ZRANB3: variants seen among roughly 807,000 people sequenced by gnomAD.
ZRANB3 encodes the protein DNA annealing helicase and endonuclease ZRANB3.
Under a neutral mutation model 133.8 loss-of-function variants are expected in ZRANB3, and 125 were observed. The observed-to-expected ratio is 0.93, with a 90% confidence interval of 0.81 to 1.08. The LOEUF (loss-of-function observed/expected upper bound fraction) is 1.08, where lower values mean the gene tolerates loss of function less well. ZRANB3 is among the 50% of genes least tolerant of loss of function. The pLI, the probability that ZRANB3 is intolerant of heterozygous loss-of-function variation, is 0.00. For synonymous variants in ZRANB3, 387 were observed against 432.7 expected, an observed-to-expected ratio of 0.89 and a Z score of 1.31; for missense variants, 1,229 against 1,275.5, an observed-to-expected ratio of 0.96 and a Z score of 0.56.
At position 135,280,387 on chromosome 2, in the gene ZRANB3, G is replaced by A. The variant is rs190401861; in HGVS notation, c.967-4632C>T. Among the ~76,000 whole-genome samples the A allele has an allele frequency of 4.1e-3, 627 of 152,202 alleles. 5 individuals carry two copies. Among genetic ancestry groups the A allele is most frequent in the Middle Eastern group, 0.014 (4 of 294 alleles). ...GTTCGAGACCAGCTTGACCAACACG[G>A]AGAAACCCCATCTCTACTAAAAATA... On this transcript the variant is annotated intron_variant, in intron 8 of 20. Transcript: ENST00000264159.
intron 1 of ZRANB3, among the ~76,000 whole-genome samples, chr2:135,522,962 G>A (rs930398744): frequency 2.0e-5 from 3 of 152,090 alleles, no homozygotes; most frequent in African/African-American, 4.8e-5. Flanking sequence ...CCTTTTAGAA[G>A]GCTACCACAA....
intron 17 of ZRANB3, among the ~76,000 whole-genome samples, chr2:135,213,798 T>G (rs1238020728): frequency 6.6e-6 from 1 of 152,120 alleles, no homozygotes; most frequent in Non-Finnish European, 1.5e-5. Context: ...TAAAAGGACT[T>G]TACAGATATA....
intron 3 of ZRANB3, among the ~76,000 whole-genome samples, chr2:135,381,066 G>A (rs1239176732): frequency 1.3e-5 from 2 of 152,198 alleles, no homozygotes; most frequent in Admixed American, 6.5e-5. Context: ...CACCTCACCT[G>A]GAAGCGTAAG....
At chr2:135,466,382 CAAAAAAAA>C (rs553890734) in intron 2 of ZRANB3, among the ~76,000 whole-genome samples, 3 of 28,246 alleles carry the variant, frequency 1.1e-4, no homozygotes, top group East Asian at 1.3e-3. Context: ...GACTCCGTCA[CAAAAAAAA>C]AAAAAAAAAA....
chr2:135,202,603 T>C (rs929667429), intron 20 of ZRANB3: 4 of 377,524 alleles, frequency 1.1e-5, no homozygotes, highest in Admixed American at 4.0e-5. Context: ...TTCTTGGTAG[T>C]GGTGCAAATG....
At chr2:135,243,985 A>T (rs1210144047) in intron 12 of ZRANB3, among the ~76,000 whole-genome samples, 1 of 150,686 alleles carries the variant, frequency 6.6e-6, no homozygotes. Context: ...TATATATATA[A>T]AATATATAAT....
At chr2:135,230,220 T>G (rs1267665882) in intron 13 of ZRANB3, among the ~76,000 whole-genome samples, 2 of 152,220 alleles carry the variant, frequency 1.3e-5, no homozygotes, top group African/African-American at 4.8e-5. Flanking sequence ...AGAGCTTCTA[T>G]TCCTGCTCAC....
intron 12 of ZRANB3, among the ~76,000 whole-genome samples, chr2:135,237,703 A>C (rs552525223): frequency 1.0e-3 from 151 of 151,724 alleles, no homozygotes; most frequent in Non-Finnish European, 1.3e-3. Context: ...AAAAAACTAA[A>C]CACCACATGT....
chr2:135,484,905 G>A (rs549472292), intron 2 of ZRANB3, among the ~76,000 whole-genome samples: 3 of 151,694 alleles, frequency 2.0e-5, no homozygotes, highest in Non-Finnish European at 4.4e-5. Context: ...GTGAGATGGT[G>A]GGCACCTGTA....
chr2:135,523,164 C>T (rs576861901), intron 1 of ZRANB3, among the ~76,000 whole-genome samples: 3 of 152,322 alleles, frequency 2.0e-5, no homozygotes, highest in African/African-American at 7.2e-5. Context: ...GTTACTCAAA[C>T]TGGGTTTCAT....
rs1385969891 is a variant in ZRANB3, at chr2:135,329,475, T to C, written c.678-13945A>G. ...TGGTTACTGTAGCCTTACAGCATAG[T>C]TTGAAGCCAGGTGGCATAATGCCTC... On this transcript the variant is annotated intron_variant, in intron 6 of 20. Coordinates refer to ENST00000264159, the MANE Select transcript of ZRANB3 (RefSeq NM_032143.4). Among the ~76,000 whole-genome samples the C allele has an allele frequency of 2.0e-5, 3 of 152,220 alleles. No homozygotes were observed. The East Asian group carries it at 5.8e-4, about 29-fold the overall frequency.
intron 13 of ZRANB3, among the ~76,000 whole-genome samples, chr2:135,230,055 C>A (rs905396849): frequency 6.6e-6 from 1 of 152,110 alleles, no homozygotes. Context: ...AAAACCATGG[C>A]ACAATGTATA....
intron 1 of ZRANB3, among the ~76,000 whole-genome samples, chr2:135,509,609 C>A (rs1436843728): frequency 6.6e-6 from 1 of 152,060 alleles, no homozygotes; most frequent in Non-Finnish European, 1.5e-5. Context: ...TGGTTGTTAT[C>A]TGGGTTTTGG....
At chr2:135,448,654 A>G (rs1383011389) in intron 2 of ZRANB3, among the ~76,000 whole-genome samples, 2 of 152,232 alleles carry the variant, frequency 1.3e-5, no homozygotes, top group East Asian at 3.8e-4. Context: ...GGCAGACTTC[A>G]TGCACTCTGA....
chr2:135,500,967 ATG>A (rs570599964), intron 2 of ZRANB3, among the ~76,000 whole-genome samples: 48 of 152,116 alleles, frequency 3.2e-4, no homozygotes, highest in Non-Finnish European at 6.0e-4. Flanking sequence ...GACAAAACAA[ATG>A]GGGGAGAAGC....
intron 1 of ZRANB3, among the ~76,000 whole-genome samples, chr2:135,528,186 T>A (rs1167199529): frequency 6.6e-6 from 1 of 152,078 alleles, no homozygotes; most frequent in Non-Finnish European, 1.5e-5. Flanking sequence ...TCTCCTGTGT[T>A]GCCCCAGGCT....
chr2:135,350,307 A>G, intron 4 of ZRANB3, 92 bp from the exon 5 acceptor site: 1 of 873,558 alleles, frequency 1.1e-6, no homozygotes, highest in Non-Finnish European at 1.7e-6. Flanking sequence ...ACAGAGGAGA[A>G]GAAAGAAGAA....
At chr2:135,214,315 C>A (rs1166284889) in intron 17 of ZRANB3, among the ~76,000 whole-genome samples, 6 of 152,114 alleles carry the variant, frequency 3.9e-5, no homozygotes, top group Non-Finnish European at 2.9e-5. Context: ...CCAACTGCTG[C>A]TAGAGCTAGC....
intron 2 of ZRANB3, among the ~76,000 whole-genome samples, chr2:135,446,915 T>A (rs1318880049): frequency 3.9e-5 from 6 of 152,184 alleles, no homozygotes; most frequent in Non-Finnish European, 8.8e-5. Flanking sequence ...AATGTTTAAT[T>A]TTCCTATTTT....
Sources: gnomAD v4.1 joint callset for allele counts (sites outside exome capture counted in the v4.1 genomes callset) on GRCh38, gnomAD v4.1.1 for gene constraint, MANE v1.5 for transcripts, NCBI Gene and HGNC (gene_info 2026-07-23, HGNC 2026-07-21) for gene names.